Variants in MAPRE3 observed in about 807,000 individuals in gnomAD.
MAPRE3 encodes microtubule-associated protein RP/EB family member 3.
Under a neutral mutation model 30.5 loss-of-function variants are expected in MAPRE3, and 2 were observed. The observed-to-expected ratio is 0.07, with a 90% CI of 0.03 to 0.21. MAPRE3 has a LOEUF of 0.21. MAPRE3 is among the 10% of genes least tolerant of loss of function. The pLI is 1.00. For missense variants in MAPRE3, 204 were observed against 351.8 expected (o/e 0.58, Z 3.36); for synonymous variants, 110 against 127.7 (o/e 0.86, Z 0.93).
At chr2:26,975,292 C>T (rs955849432) in intron 1 of MAPRE3, among the ~76,000 whole-genome samples, 9 of 152,156 alleles carry the variant, frequency 5.9e-5, no homozygotes, top group Non-Finnish European at 1.0e-4. Flanking sequence ...TAGATTTCAT[C>T]GGTGACTTTG....
At chr2:26,999,573 G>A (rs1481245616) in intron 1 of MAPRE3, among the ~76,000 whole-genome samples, 1 of 131,614 alleles carries the variant, frequency 7.6e-6, no homozygotes, top group African/African-American at 3.0e-5. Context: ...GTGTGATCTC[G>A]GCTCACTGCA....
chr2:26,999,494 T>TC (rs1666540445), intron 1 of MAPRE3, among the ~76,000 whole-genome samples: 1 of 22,342 alleles, frequency 4.5e-5, no homozygotes, highest in African/African-American at 9.8e-5. Flanking sequence ...CTTTCTTTTT[T>TC]TTTTTTTTTT....
rs1343140107 is a variant in MAPRE3, at chr2:27,025,625, C to T, written c.512C>T (p.Thr171Ile). ...TSPTGPKNMQTSGRLSNVAPP... is the reference protein window; with the variant it reads ...TSPTGPKNMQISGRLSNVAPP... ...CCCACAGGCCCAAAAAACATGCAGA[C>T]CTCTGGCCGGCTGAGCAATGTGGCC... Residue 171 changes from threonine to isoleucine, a missense_variant, in exon 5 of 7, where the codon ACC becomes ATC. Thr to Ile is a moderately conservative substitution (Grantham distance 89). Transcript: ENST00000233121. 1.2e-6 allele frequency: 2 copies of T among 1,600,930 alleles called. No homozygotes were observed. Among genetic ancestry groups the T allele is most frequent in the East Asian group, 2.2e-5 (1 of 44,870 alleles).
intron 1 of MAPRE3, among the ~76,000 whole-genome samples, chr2:26,989,377 A>G (rs866197770): frequency 6.6e-6 from 1 of 152,276 alleles, no homozygotes; most frequent in South Asian, 2.1e-4. Flanking sequence ...TTAATAAGAA[A>G]GTGATCCGGA....
At position 27,015,222 on chromosome 2, in the gene MAPRE3, C is replaced by T. The variant is rs1169795676; in HGVS notation, c.-7-6990C>T. 1.3e-5 allele frequency among the ~76,000 whole-genome samples: 2 copies of T among 152,352 alleles called. No homozygotes were observed. Among genetic ancestry groups the T allele is most frequent in the East Asian group, 1.9e-4 (1 of 5,196 alleles). ...CTTAGATTCTCACTGTCTGTCCCCG[C>T]GATGCTGACAGCACTTGCCAAATAC... On this transcript the variant is annotated intron_variant, in intron 1 of 6. Transcript: ENST00000233121. This position sits in a 1 kb window ranked among gnomAD's most constrained non-coding sequence, Gnocchi z 4.0.
chr2:26,988,591 T>C (rs1666265270), intron 1 of MAPRE3, among the ~76,000 whole-genome samples: 2 of 152,188 alleles, frequency 1.3e-5, no homozygotes, highest in Non-Finnish European at 2.9e-5. Flanking sequence ...AGCTTAATAG[T>C]CAGTCCACTG....
chr2:26,977,730 A>G (rs1666041752), intron 1 of MAPRE3, among the ~76,000 whole-genome samples: 2 of 152,108 alleles, frequency 1.3e-5, no homozygotes, highest in African/African-American at 4.8e-5. Flanking sequence ...AGGTCCATGG[A>G]GCTGCTGACT....
chr2:27,023,197 T>C, intron 2 of MAPRE3, 135 bp from the exon 3 acceptor site: 1 of 882,988 alleles, frequency 1.1e-6, no homozygotes, highest in Non-Finnish European at 1.7e-6. Flanking sequence ...TCTGGCCATG[T>C]CTATCCTGAA....
At chr2:27,000,387 G>C (rs992385592) in intron 1 of MAPRE3, among the ~76,000 whole-genome samples, 1 of 152,278 alleles carries the variant, frequency 6.6e-6, no homozygotes, top group Admixed American at 6.5e-5. Context: ...GAGGTATGAG[G>C]CTGTGGAGGC....
chr2:26,990,478 A>G (rs1359366019), intron 1 of MAPRE3, among the ~76,000 whole-genome samples: 1 of 152,208 alleles, frequency 6.6e-6, no homozygotes, highest in African/African-American at 2.4e-5. Flanking sequence ...AATCCTTCTC[A>G]GATACCAAAG....
chr2:27,008,660 T>C (rs995769859), intron 1 of MAPRE3, among the ~76,000 whole-genome samples: 4 of 152,042 alleles, frequency 2.6e-5, no homozygotes, highest in Non-Finnish European at 5.9e-5. Context: ...TCCAAGCAGA[T>C]TAACAGTTCC....
chr2:27,018,935 G>A (rs972819326), intron 1 of MAPRE3, among the ~76,000 whole-genome samples: 3 of 111,258 alleles, frequency 2.7e-5, no homozygotes, highest in African/African-American at 1.3e-4. Context: ...TTATTTTTTG[G>A]AGATGGATTC....
At chr2:27,007,045 A>G (rs1366545517) in intron 1 of MAPRE3, among the ~76,000 whole-genome samples, 1 of 152,222 alleles carries the variant, frequency 6.6e-6, no homozygotes, top group Non-Finnish European at 1.5e-5. Context: ...GCAGAAAAGC[A>G]GGAGAATAGA....
At chr2:27,024,063 G>T in intron 3 of MAPRE3, 33 bp from the exon 4 acceptor site, 1 of 1,557,406 alleles carries the variant, frequency 6.4e-7, no homozygotes, top group Non-Finnish European at 8.9e-7. Context: ...GCAGCAGGTG[G>T]CTAAAGTACT....
intron 1 of MAPRE3, among the ~76,000 whole-genome samples, chr2:26,981,274 C>T (rs1666107727): frequency 6.6e-6 from 1 of 152,030 alleles, no homozygotes; most frequent in Admixed American, 6.6e-5. Flanking sequence ...ATGGGTGTTG[C>T]TTGGCATGTT....
intron 1 of MAPRE3, 21 bp from the exon 2 acceptor site, chr2:27,022,191 A>G (rs777942517): frequency 1.2e-6 from 2 of 1,611,778 alleles, no homozygotes; most frequent in Non-Finnish European, 1.7e-6. Flanking sequence ...TGCTGACCTC[A>G]CCTTTCTTCT....
At chr2:26,979,241 A>C (rs1330833761) in intron 1 of MAPRE3, among the ~76,000 whole-genome samples, 1 of 152,220 alleles carries the variant, frequency 6.6e-6, no homozygotes, top group Non-Finnish European at 1.5e-5. Flanking sequence ...CAGAGTCTAA[A>C]TTCCAAAAGG....
intron 1 of MAPRE3, chr2:27,014,078 T>C (rs1418532286): frequency 2.6e-5 from 4 of 152,324 alleles, no homozygotes; most frequent in South Asian, 2.1e-4. Flanking sequence ...GGTGACTCCA[T>C]GGACATTTGT....
chr2:27,001,848 T>G (rs774164684), intron 1 of MAPRE3, among the ~76,000 whole-genome samples: 11 of 152,252 alleles, frequency 7.2e-5, no homozygotes, highest in Non-Finnish European at 1.5e-4. Flanking sequence ...CCCGGCTTCA[T>G]GGACTGTAAA....
Sources: gnomAD v4.1 joint callset for allele counts (sites outside exome capture counted in the v4.1 genomes callset) on GRCh38, gnomAD v4.1.1 for gene constraint, Gnocchi (gnomAD v3.1) non-coding constraint, MANE v1.5 for transcripts, NCBI Gene and HGNC (gene_info 2026-07-23, HGNC 2026-07-21) for gene names.